GTF2F2: variants seen among roughly 807,000 people sequenced by gnomAD.
GTF2F2 encodes the protein ATP-dependent helicase GTF2F2.
A neutral mutation model predicts 42.2 loss-of-function variants in GTF2F2; 23 were observed. The observed-to-expected ratio is 0.55, with a 90% confidence interval of 0.39 to 0.77. The LOEUF is 0.77. Ranked by LOEUF, GTF2F2 falls within the 30% of genes least tolerant of loss-of-function variation. The probability of loss-of-function intolerance (pLI) is 0.00; values close to 1 mark genes in which losing one functional copy is unlikely to be tolerated. For synonymous variants in GTF2F2, 105 were observed against 100.8 expected (o/e 1.04, Z -0.25); for missense variants, 261 against 287.2 (o/e 0.91, Z 0.66).
intron 1 of GTF2F2, among the ~76,000 whole-genome samples, chr13:45,130,979 A>C (rs1283717652): frequency 1.3e-5 from 2 of 152,202 alleles, no homozygotes; most frequent in Non-Finnish European, 2.9e-5. Context: ...AGGGCTGGGC[A>C]CGGTGGCCTA....
chr13:45,279,378 A>G (rs932798854), intron 7 of GTF2F2, among the ~76,000 whole-genome samples: 1 of 152,246 alleles, frequency 6.6e-6, no homozygotes, highest in Non-Finnish European at 1.5e-5. Flanking sequence ...TTTAGTAATA[A>G]GTGACATTCA....
intron 2 of GTF2F2, among the ~76,000 whole-genome samples, chr13:45,143,878 A>G (rs1870054881): frequency 6.6e-6 from 1 of 152,226 alleles, no homozygotes; most frequent in African/African-American, 2.4e-5. Context: ...CAAGCAATTT[A>G]TATGATATTT....
At chr13:45,165,422 A>G (rs1232968491) in intron 4 of GTF2F2, among the ~76,000 whole-genome samples, 3 of 151,092 alleles carry the variant, frequency 2.0e-5, no homozygotes, top group Non-Finnish European at 4.4e-5. Context: ...TTTAAGTTCA[A>G]ATTTAAAGAT....
intron 5 of GTF2F2, among the ~76,000 whole-genome samples, chr13:45,248,716 T>C (rs1875752220): frequency 1.3e-5 from 2 of 152,158 alleles, no homozygotes; most frequent in South Asian, 4.1e-4. Context: ...CCTCAGGTGA[T>C]CCACCTGTCT....
At chr13:45,149,183 A>G (rs138729315) in intron 2 of GTF2F2, among the ~76,000 whole-genome samples, 1,618 of 151,744 alleles carry the variant, frequency 0.011, 35 homozygotes, top group African/African-American at 0.037. Flanking sequence ...AGTGGCTCAC[A>G]CCTGTAATCC....
At chr13:45,267,205 T>G (rs199693863) in intron 6 of GTF2F2, 28 bp from the exon 7 acceptor site, 652 of 1,587,686 alleles carry the variant, frequency 4.1e-4, no homozygotes, top group Non-Finnish European at 5.1e-4. Context: ...GAATTGATGC[T>G]TTTATTTCCT....
chr13:45,196,763 A>G (rs1442424621), intron 4 of GTF2F2, among the ~76,000 whole-genome samples: 1 of 152,134 alleles, frequency 6.6e-6, no homozygotes, highest in Non-Finnish European at 1.5e-5. Flanking sequence ...TGGCCTGTCT[A>G]TAGATGTCTT....
At chr13:45,170,707 G>T (rs989906575) in intron 4 of GTF2F2, among the ~76,000 whole-genome samples, 1 of 152,204 alleles carries the variant, frequency 6.6e-6, no homozygotes, top group Admixed American at 6.5e-5. Context: ...ACTAGGGGCT[G>T]CAGTCAGAGA....
intron 7 of GTF2F2, among the ~76,000 whole-genome samples, chr13:45,269,431 A>G (rs1876697756): frequency 6.6e-6 from 1 of 152,142 alleles, no homozygotes; most frequent in Non-Finnish European, 1.5e-5. Flanking sequence ...CCTAGAGGAG[A>G]GGGCAGGAAG....
chr13:45,170,654 T>C (rs1473236613), intron 4 of GTF2F2, among the ~76,000 whole-genome samples: 1 of 152,210 alleles, frequency 6.6e-6, no homozygotes, highest in East Asian at 1.9e-4. Context: ...GAAGTAGTTA[T>C]TCCTGAAAGC....
intron 5 of GTF2F2, among the ~76,000 whole-genome samples, chr13:45,216,002 G>A (rs57694928): frequency 0.012 from 1,814 of 151,768 alleles, 31 homozygotes; most frequent in African/African-American, 0.037. Flanking sequence ...TTGTAATCCC[G>A]GCACTTTGGG....
At chr13:45,123,957 T>C (rs917182718) in intron 1 of GTF2F2, 3 of 689,000 alleles carry the variant, frequency 4.4e-6, no homozygotes, top group East Asian at 2.9e-5. Context: ...CTCCCCAGCA[T>C]TGAGGGTCTC....
chr13:45,283,613 A>G lies in GTF2F2; in HGVS notation c.*52A>G. On this transcript the variant is annotated 3_prime_UTR_variant, in exon 8 of 8. Coordinates refer to ENST00000340473, the MANE Select transcript of GTF2F2 (RefSeq NM_004128.3). ...AAACGACTAGCAGCGATGCTATGCA[A>G]AAGGCGCTGATACTGGAAGGCTTGA... The G allele has an allele frequency of 6.6e-7, 1 of 1,511,298 alleles. No individual in the cohort carries two copies. Among genetic ancestry groups the G allele is most frequent in the Non-Finnish European group, 8.9e-7 (1 of 1,125,994 alleles). The allele number at this position is 1,511,298 out of a possible 1,614,324, so 93.6% of individuals were successfully genotyped here.
chr13:45,141,971 C>T (rs1869948359), intron 2 of GTF2F2, among the ~76,000 whole-genome samples: 1 of 152,182 alleles, frequency 6.6e-6, no homozygotes, highest in African/African-American at 2.4e-5. Flanking sequence ...TTGTTGTTCT[C>T]TCTTGTATGT....
chr13:45,249,887 C>G (rs1875803433), intron 5 of GTF2F2, among the ~76,000 whole-genome samples: 1 of 152,092 alleles, frequency 6.6e-6, no homozygotes, highest in Admixed American at 6.6e-5. Context: ...TTCCCACCCA[C>G]TCCCATCCCC....
intron 5 of GTF2F2, among the ~76,000 whole-genome samples, chr13:45,225,356 C>T (rs1874291416): frequency 6.6e-6 from 1 of 150,480 alleles, no homozygotes; most frequent in African/African-American, 2.5e-5. Context: ...CCTTATGACC[C>T]TCATGTTGAG....
intron 5 of GTF2F2, among the ~76,000 whole-genome samples, chr13:45,252,428 C>T (rs560070087): frequency 6.6e-6 from 1 of 152,156 alleles, no homozygotes; most frequent in Non-Finnish European, 1.5e-5. Context: ...CTGTGCTGTT[C>T]AGTAAACCTT....
intron 5 of GTF2F2, among the ~76,000 whole-genome samples, chr13:45,213,777 TAATA>T (rs1156852757): frequency 6.6e-6 from 1 of 152,156 alleles, no homozygotes; most frequent in Non-Finnish European, 1.5e-5. Flanking sequence ...GCTTCTTTAT[TAATA>T]ATTTTTTTAT....
At position 45,237,948 on chromosome 13, in the gene GTF2F2, C is replaced by CTGTTTGTT. The variant is rs58903659; in HGVS notation, c.387-14909_387-14902dup. Among the ~76,000 whole-genome samples, 1,075 of 151,150 alleles carry CTGTTTGTT rather than the reference C, an allele frequency of 7.1e-3. 16 individuals carry two copies. The highest frequency in any genetic ancestry group is 0.021 in the African/African-American group (864 of 41,042). On this transcript the variant is annotated intron_variant, in intron 5 of 7. Coordinates refer to ENST00000340473, the MANE Select transcript of GTF2F2 (RefSeq NM_004128.3). ...TTGGAGTTAGAGTTTGAAAAGGTTT[C>CTGTTTGTT]TGTTTGTTTGTTTGTTTGTTTTTGA...
Sources: gnomAD v4.1 joint callset for allele counts (sites outside exome capture counted in the v4.1 genomes callset) on GRCh38, gnomAD v4.1.1 for gene constraint, MANE v1.5 for transcripts, NCBI Gene and HGNC (gene_info 2026-07-23, HGNC 2026-07-21) for gene names.